Variants in ST6GALNAC5 observed in about 807,000 individuals in gnomAD.
ST6GALNAC5 encodes the protein alpha-N-acetylgalactosaminide alpha-2,6-sialyltransferase 5.
In ST6GALNAC5, 27 loss-of-function variants were observed where a neutral mutation model predicts 33.6. The ratio of observed to expected loss-of-function variants is 0.80; its 90% confidence interval spans 0.59 to 1.11. The LOEUF is 1.11. Among genes scored for constraint, ST6GALNAC5 ranks in the 50% least tolerant of loss-of-function variants. The pLI is 0.00. For synonymous variants in ST6GALNAC5, 194 were observed against 171.2 expected, an observed-to-expected ratio of 1.13 and a Z score of -1.04; for missense variants, 428 against 454.0, an observed-to-expected ratio of 0.94 and a Z score of 0.52.
chr1:76,876,378 T>A (rs1173902036), intron 2 of ST6GALNAC5, among the ~76,000 whole-genome samples: 3 of 152,186 alleles, frequency 2.0e-5, no homozygotes, highest in Non-Finnish European at 2.9e-5. Flanking sequence ...CATGGGCCCA[T>A]TGAGCAATGA....
At chr1:77,039,791 A>G (rs983274378) in intron 2 of ST6GALNAC5, among the ~76,000 whole-genome samples, 6 of 152,188 alleles carry the variant, frequency 3.9e-5, no homozygotes, top group Non-Finnish European at 5.9e-5. Context: ...GCTGAACACT[A>G]TGAGGAAAAA....
chr1:76,939,531 G>A lies in ST6GALNAC5; in HGVS notation c.261+70789G>A, dbSNP rs569260309. Among the ~76,000 whole-genome samples, 3 of 152,148 alleles carry A rather than the reference G, an allele frequency of 2.0e-5. No homozygotes were observed. The South Asian group carries it at 6.2e-4, about 32-fold the overall frequency. ...ATTATCCTTTGTACAGAAGGAGGGGGCCCATGGTCCACAAAATGTGAATTG... is the reference window on the plus strand; with the variant it reads ...ATTATCCTTTGTACAGAAGGAGGGGACCCATGGTCCACAAAATGTGAATTG... On this transcript the variant is annotated intron_variant, in intron 2 of 4. Coordinates refer to ENST00000477717, the MANE Select transcript of ST6GALNAC5 (RefSeq NM_030965.3).
intron 2 of ST6GALNAC5, among the ~76,000 whole-genome samples, chr1:76,946,311 C>T (rs183985768): frequency 1.3e-5 from 2 of 152,198 alleles, no homozygotes; most frequent in African/African-American, 4.8e-5. Flanking sequence ...AGGTCCAGGA[C>T]CAATATCTTA....
chr1:77,051,116 G>A (rs1214521619), intron 4 of ST6GALNAC5, among the ~76,000 whole-genome samples: 1 of 152,170 alleles, frequency 6.6e-6, no homozygotes, highest in African/African-American at 2.4e-5. Flanking sequence ...AGCTGGGGTG[G>A]GGGGCATTTA....
chr1:77,027,455 C>T (rs1651289634), intron 2 of ST6GALNAC5, among the ~76,000 whole-genome samples: 1 of 152,126 alleles, frequency 6.6e-6, no homozygotes, highest in Non-Finnish European at 1.5e-5. Flanking sequence ...CAAGGCAAGG[C>T]GACTGCAATC....
intron 2 of ST6GALNAC5, among the ~76,000 whole-genome samples, chr1:76,888,599 A>C (rs560544126): frequency 1.1e-4 from 16 of 151,912 alleles, no homozygotes; most frequent in South Asian, 1.0e-3. Context: ...CATTTTATGC[A>C]TTCTGTGCTT....
chr1:77,023,232 C>T (rs146182272), intron 2 of ST6GALNAC5, among the ~76,000 whole-genome samples: 1 of 152,300 alleles, frequency 6.6e-6, no homozygotes, highest in East Asian at 1.9e-4. Flanking sequence ...TTAAGCCACG[C>T]AACCAGTGGT....
chr1:76,947,479 T>C (rs1387017528), intron 2 of ST6GALNAC5, among the ~76,000 whole-genome samples: 1 of 152,142 alleles, frequency 6.6e-6, no homozygotes, highest in African/African-American at 2.4e-5. Context: ...TTCACACCTG[T>C]AATCCCAGCA....
intron 3 of ST6GALNAC5, among the ~76,000 whole-genome samples, chr1:77,047,346 A>G (rs1652052752): frequency 6.6e-6 from 1 of 152,314 alleles, no homozygotes; most frequent in Middle Eastern, 3.4e-3. Context: ...AAAACCTAAA[A>G]CATTTAGGGT....
intron 2 of ST6GALNAC5, among the ~76,000 whole-genome samples, chr1:76,895,696 G>T (rs34711301): frequency 6.6e-6 from 1 of 151,354 alleles, no homozygotes; most frequent in South Asian, 2.1e-4. Context: ...TGGAGAAACA[G>T]TGTAAACTGG....
chr1:77,023,335 C>T (rs1004114505), intron 2 of ST6GALNAC5, among the ~76,000 whole-genome samples: 1 of 152,210 alleles, frequency 6.6e-6, no homozygotes, highest in South Asian at 2.1e-4. Flanking sequence ...CTAAAACCCC[C>T]TTGCACATCC....
chr1:76,967,309 T>C (rs1648536428), intron 2 of ST6GALNAC5, among the ~76,000 whole-genome samples: 1 of 152,216 alleles, frequency 6.6e-6, no homozygotes, highest in African/African-American at 2.4e-5. Flanking sequence ...TTCAACTTCT[T>C]CCTGGTTTAG....
intron 2 of ST6GALNAC5, among the ~76,000 whole-genome samples, chr1:76,869,250 G>A (rs1039120121): frequency 6.6e-6 from 1 of 152,170 alleles, no homozygotes. Context: ...CAGCCCTGGG[G>A]AGTGGTGCCC....
In ST6GALNAC5 at chr1:77,006,321, A is replaced by ATTT. The variant is rs71075723; in HGVS notation, c.262-37861_262-37859dup. Among the ~76,000 whole-genome samples the ATTT allele has an allele frequency of 5.3e-4, 49 of 92,824 alleles. 1 individual carries two copies. Among genetic ancestry groups the ATTT allele is most frequent in the African/African-American group, 1.6e-3 (38 of 23,706 alleles). 60.9% of individuals were successfully genotyped at this position (92,824 alleles called of 152,430 possible). On this transcript the variant is annotated intron_variant, in intron 2 of 4. Coordinates refer to ENST00000477717, the MANE Select transcript of ST6GALNAC5 (RefSeq NM_030965.3). Reference sequence around the variant, plus strand: ...AGGTGCATGCCACTACACCCGGCTAATTTTTTTTTTTTTTTTTTTTTTTTG... The same window carrying ATTT: ...AGGTGCATGCCACTACACCCGGCTAATTTTTTTTTTTTTTTTTTTTTTTTTTTG...
At chr1:76,899,698 C>T (rs997429977) in intron 2 of ST6GALNAC5, among the ~76,000 whole-genome samples, 5 of 152,108 alleles carry the variant, frequency 3.3e-5, no homozygotes, top group African/African-American at 1.2e-4. Context: ...TCTCCTTTGT[C>T]TCTACCAGAA....
intron 2 of ST6GALNAC5, among the ~76,000 whole-genome samples, chr1:76,985,759 C>G (rs563793272): frequency 6.6e-6 from 1 of 152,244 alleles, no homozygotes; most frequent in Non-Finnish European, 1.5e-5. Context: ...TCAAACTATA[C>G]TACAAGGCTA....
At chr1:77,033,326 C>CACTGTATGCCATGCACTG (rs1651528919) in intron 2 of ST6GALNAC5, among the ~76,000 whole-genome samples, 1 of 152,214 alleles carries the variant, frequency 6.6e-6, no homozygotes, top group Admixed American at 6.5e-5. Context: ...TGCAGAATCG[C>CACTGTATGCCATGCACTG]TGCCTCATGG....
intron 2 of ST6GALNAC5, among the ~76,000 whole-genome samples, chr1:77,005,355 C>T (rs1000695013): frequency 1.6e-4 from 24 of 152,314 alleles, no homozygotes; most frequent in East Asian, 3.9e-4. Context: ...GGCTCGCGCA[C>T]GGTGCGCACA....
chr1:76,991,052 C>A (rs1378074572), intron 2 of ST6GALNAC5, among the ~76,000 whole-genome samples: 1 of 152,134 alleles, frequency 6.6e-6, no homozygotes, highest in African/African-American at 2.4e-5. Flanking sequence ...ACCTTCTCAG[C>A]TCCTGCCAGT....
Sources: allele counts gnomAD v4.1 joint callset (sites outside exome capture counted in the v4.1 genomes callset), GRCh38; gene constraint gnomAD v4.1.1; transcripts MANE v1.5; gene names NCBI Gene and HGNC (gene_info 2026-07-23, HGNC 2026-07-21).